Variants in PDGFD observed in about 807,000 individuals in gnomAD.
PDGFD encodes platelet-derived growth factor D.
In PDGFD, 30 loss-of-function variants were observed where a neutral mutation model predicts 44.7. That is an observed-to-expected ratio of 0.67 (90% CI 0.50 to 0.91). PDGFD has a LOEUF of 0.91. Among genes scored for constraint, PDGFD ranks in the 40% least tolerant of loss-of-function variants. The pLI, the probability that PDGFD is intolerant of heterozygous loss-of-function variation, is 0.00. For synonymous variants in PDGFD, 173 were observed against 168.4 expected (o/e 1.03, Z -0.21); for missense variants, 445 against 457.8 (o/e 0.97, Z 0.25).
At chr11:104,100,853 CAT>C (rs1273467243) in intron 1 of PDGFD, among the ~76,000 whole-genome samples, 1 of 152,144 alleles carries the variant, frequency 6.6e-6, no homozygotes, top group Non-Finnish European at 1.5e-5. Flanking sequence ...ACAAAAACCA[CAT>C]GATTATCTCA....
At chr11:104,043,134 T>G (rs577790242) in intron 1 of PDGFD, among the ~76,000 whole-genome samples, 1 of 152,148 alleles carries the variant, frequency 6.6e-6, no homozygotes, top group Non-Finnish European at 1.5e-5. Context: ...AATGTTTAAC[T>G]CAGTACTGAA....
intron 1 of PDGFD, among the ~76,000 whole-genome samples, chr11:104,082,658 G>C (rs1861061784): frequency 6.6e-6 from 1 of 151,874 alleles, no homozygotes; most frequent in African/African-American, 2.4e-5. Context: ...TAGTGATGTG[G>C]TCTTGCTCTG....
At chr11:104,102,036 A>G (rs1591164462) in intron 1 of PDGFD, among the ~76,000 whole-genome samples, 1 of 152,166 alleles carries the variant, frequency 6.6e-6, no homozygotes, top group Non-Finnish European at 1.5e-5. Flanking sequence ...TCATGTCTAA[A>G]ACACCAAAAG....
At chr11:104,158,781 G>A (rs934304907) in intron 1 of PDGFD, among the ~76,000 whole-genome samples, 3 of 151,824 alleles carry the variant, frequency 2.0e-5, no homozygotes, top group Admixed American at 6.6e-5. Context: ...TCAGTTAGCC[G>A]AGATCTCGCC....
chr11:104,116,779 G>A (rs1263003984), intron 1 of PDGFD, among the ~76,000 whole-genome samples: 13 of 151,860 alleles, frequency 8.6e-5, no homozygotes, highest in East Asian at 3.9e-4. Context: ...CATAGGGGCC[G>A]GTCTTTCCCG....
At chr11:103,989,661 A>G (rs1859422407) in intron 3 of PDGFD, among the ~76,000 whole-genome samples, 1 of 152,204 alleles carries the variant, frequency 6.6e-6, no homozygotes, top group African/African-American at 2.4e-5. Context: ...TGAGGGGAAT[A>G]AAGGGAAAAT....
intron 1 of PDGFD, among the ~76,000 whole-genome samples, chr11:104,040,502 C>T (rs1860329948): frequency 6.6e-6 from 1 of 151,976 alleles, no homozygotes; most frequent in Non-Finnish European, 1.5e-5. Flanking sequence ...AGGTCCTAAT[C>T]AATTAAATTT....
chr11:104,078,395 T>C (rs1404603488), intron 1 of PDGFD, among the ~76,000 whole-genome samples: 1 of 152,176 alleles, frequency 6.6e-6, no homozygotes, highest in Non-Finnish European at 1.5e-5. Context: ...CTAGCTACCA[T>C]CTTCTCAGAT....
intron 5 of PDGFD, among the ~76,000 whole-genome samples, chr11:103,938,820 C>A (rs368807404): frequency 0.033 from 4,991 of 152,190 alleles, 115 homozygotes; most frequent in Middle Eastern, 0.051. Flanking sequence ...GAATCCTTTC[C>A]CCATTGCTTG....
intron 5 of PDGFD, among the ~76,000 whole-genome samples, chr11:103,932,823 T>C (rs569757398): frequency 6.6e-6 from 1 of 152,342 alleles, no homozygotes; most frequent in South Asian, 2.1e-4. Flanking sequence ...ATTCCAACTA[T>C]CTTTCAGGAA....
At chr11:104,107,278 A>T (rs1861484783) in intron 1 of PDGFD, among the ~76,000 whole-genome samples, 3 of 152,156 alleles carry the variant, frequency 2.0e-5, no homozygotes, top group Admixed American at 6.6e-5. Flanking sequence ...CTCTCTTGTT[A>T]GTCTTAAAGA....
chr11:103,956,525 T>TTAC (rs2134333232), intron 3 of PDGFD, among the ~76,000 whole-genome samples: 1 of 146,014 alleles, frequency 6.8e-6, no homozygotes, highest in East Asian at 2.0e-4. Context: ...TAAACATACG[T>TTAC]GTGCATGTGT....
chr11:104,118,737 T>A (rs1219310874), intron 1 of PDGFD, among the ~76,000 whole-genome samples: 1 of 116,994 alleles, frequency 8.5e-6, no homozygotes, highest in Non-Finnish European at 1.7e-5. Context: ...AATATATTAA[T>A]ATATATTATT....
chr11:104,100,407 A>T (rs1301718842), intron 1 of PDGFD, among the ~76,000 whole-genome samples: 1 of 152,192 alleles, frequency 6.6e-6, no homozygotes, highest in Non-Finnish European at 1.5e-5. Flanking sequence ...TCCCAAGACT[A>T]AACCAGGAAG....
intron 1 of PDGFD, among the ~76,000 whole-genome samples, chr11:104,072,859 G>C (rs528561640): frequency 6.6e-6 from 1 of 151,984 alleles, no homozygotes; most frequent in Non-Finnish European, 1.5e-5. Context: ...TGTGGGTTTA[G>C]ATGACATAAT....
chr11:104,076,098 T>C (rs991501094), intron 1 of PDGFD, among the ~76,000 whole-genome samples: 1 of 152,122 alleles, frequency 6.6e-6, no homozygotes, highest in Admixed American at 6.6e-5. Context: ...CTGACAGATT[T>C]ATAAGGGGCT....
intron 1 of PDGFD, among the ~76,000 whole-genome samples, chr11:104,146,705 AGACGTTTTCC>A (rs1862168158): frequency 1.3e-5 from 2 of 152,202 alleles, no homozygotes; most frequent in South Asian, 4.1e-4. Context: ...TCTGCTACCC[AGACGTTTTCC>A]TCCTGCTATG....
At chr11:104,109,007 C>T (rs1352076913) in intron 1 of PDGFD, among the ~76,000 whole-genome samples, 1 of 142,124 alleles carries the variant, frequency 7.0e-6, no homozygotes, top group Non-Finnish European at 1.5e-5. Context: ...ACAATGAGAA[C>T]ACGTGGACAC....
At chr11:103,940,632 A>C (rs760983403) in intron 5 of PDGFD, among the ~76,000 whole-genome samples, 1 of 152,182 alleles carries the variant, frequency 6.6e-6, no homozygotes, top group African/African-American at 2.4e-5. Context: ...CAAAGCAGAA[A>C]ATACCAGCTG....
Sources: allele counts gnomAD v4.1 joint callset (sites outside exome capture counted in the v4.1 genomes callset), GRCh38; gene constraint gnomAD v4.1.1; transcripts MANE v1.5; gene names NCBI Gene and HGNC (gene_info 2026-07-23, HGNC 2026-07-21).